The following TBC1D10A variants were observed in gnomAD, a reference collection of about 807,000 sequenced individuals.
TBC1D10A encodes the protein EBP50-PDX interactor of 64 kDa.
TBC1D10A carries 24 observed loss-of-function variants against 52.9 expected under a neutral mutation model. That is an observed-to-expected ratio of 0.45 (90% CI 0.33 to 0.64). TBC1D10A has a LOEUF of 0.64. Ranked by LOEUF, TBC1D10A falls within the 30% of genes least tolerant of loss-of-function variation. TBC1D10A has a pLI of 0.02. For missense variants in TBC1D10A, 602 were observed against 687.9 expected, an observed-to-expected ratio of 0.88 and a Z score of 1.40; for synonymous variants, 278 against 282.9, an observed-to-expected ratio of 0.98 and a Z score of 0.17.
intron 1 of TBC1D10A, among the ~76,000 whole-genome samples, chr22:30,322,372 G>T (rs1162290227): frequency 6.6e-6 from 1 of 152,004 alleles, no homozygotes; most frequent in Non-Finnish European, 1.5e-5. Flanking sequence ...CCACCCACAG[G>T]ATCATTTACT....
At chr22:30,295,319 G>T in intron 4 of TBC1D10A, among the ~76,000 whole-genome samples, 1 of 152,184 alleles carries the variant, frequency 6.6e-6, no homozygotes. Context: ...GGCCAGGGCG[G>T]GATGTAAAGC....
intron 1 of TBC1D10A, among the ~76,000 whole-genome samples, chr22:30,324,724 A>G (rs553763911): frequency 1.3e-5 from 2 of 152,318 alleles, no homozygotes; most frequent in East Asian, 3.9e-4. Flanking sequence ...AGGCACCTTC[A>G]CGTATCATAT....
intron 1 of TBC1D10A, among the ~76,000 whole-genome samples, chr22:30,326,274 A>G (rs144872683): frequency 2.1e-3 from 303 of 142,690 alleles, no homozygotes; most frequent in Non-Finnish European, 3.4e-3. Flanking sequence ...ATGAGTGTCT[A>G]TGGAGGGGGG....
At chr22:30,317,175 A>G (rs1017896400) in intron 1 of TBC1D10A, among the ~76,000 whole-genome samples, 2 of 152,240 alleles carry the variant, frequency 1.3e-5, no homozygotes, top group African/African-American at 4.8e-5. Flanking sequence ...TGGAAGGCCA[A>G]GGTGGGTGGA....
Position 30,292,477 on chromosome 22 carries a change from G to A in TBC1D10A, c.1425C>T (p.Ala475=). Residue 475 remains alanine, a synonymous_variant, in exon 9 of 9, where the codon GCC becomes GCT. Transcript: ENST00000215790. ...AATCCTGAGGGGCTGAGTCCTTGGG[G>A]GCTGAGTCCTTCGGGGGCACATGCT... ...PPQHVPPKDS[A]PKDSAPQDLA... is the part of the protein sequence containing the mutation. 2 of 1,607,168 alleles carry A rather than the reference G, an allele frequency of 1.2e-6. No individual in the cohort carries two copies. The highest frequency in any genetic ancestry group is 1.3e-5 in the African/African-American group (1 of 75,004).
At chr22:30,310,208 G>T (rs1569162557) in intron 1 of TBC1D10A, among the ~76,000 whole-genome samples, 1 of 152,228 alleles carries the variant, frequency 6.6e-6, no homozygotes, top group Non-Finnish European at 1.5e-5. Flanking sequence ...TTTCAGTGGG[G>T]TCATAACGCA....
chr22:30,326,616 G>T (rs994031973), intron 1 of TBC1D10A, 57 bp downstream of exon 1: 15 of 1,517,256 alleles, frequency 9.9e-6, no homozygotes, highest in Admixed American at 1.9e-5. Flanking sequence ...GCCTCCGTCC[G>T]TGTCGAGGCC....
chr22:30,298,271 G>C (rs1930126422), intron 3 of TBC1D10A: 1 of 152,242 alleles, frequency 6.6e-6, no homozygotes, highest in African/African-American at 2.4e-5. Flanking sequence ...CCCTCGAAAT[G>C]GAAGAGATGT....
chr22:30,293,276 C>G (rs1929991587), intron 8 of TBC1D10A: 1 of 602,988 alleles, frequency 1.7e-6, no homozygotes, highest in African/African-American at 1.8e-5. Context: ...GCCTCCATTT[C>G]CTCATGTGTA....
intron 1 of TBC1D10A, among the ~76,000 whole-genome samples, chr22:30,309,598 A>C (rs983513908): frequency 6.6e-6 from 1 of 152,214 alleles, no homozygotes; most frequent in African/African-American, 2.4e-5. Context: ...GTGGCACCTA[A>C]TCACAGATCT....
intron 4 of TBC1D10A, among the ~76,000 whole-genome samples, chr22:30,295,446 C>A (rs1930056947): frequency 6.6e-6 from 1 of 152,224 alleles, no homozygotes; most frequent in Admixed American, 6.5e-5. Flanking sequence ...CCCCTGCATA[C>A]CCTCCACTCA....
intron 3 of TBC1D10A, 115 bp from the exon 4 acceptor site, chr22:30,295,958 C>A: frequency 2.3e-6 from 2 of 880,006 alleles, no homozygotes; most frequent in Non-Finnish European, 3.4e-6. Flanking sequence ...AGTGCCCACC[C>A]AAGCCCATCA....
chr22:30,295,099 G>A (rs1956125036), intron 4 of TBC1D10A, 44 bp from the exon 5 acceptor site: 1 of 1,590,970 alleles, frequency 6.3e-7, no homozygotes, highest in Non-Finnish European at 8.6e-7. Context: ...GGGTGACTCT[G>A]CTACCCACGG....
intron 1 of TBC1D10A, among the ~76,000 whole-genome samples, chr22:30,309,618 C>G (rs1930386023): frequency 6.6e-6 from 1 of 152,182 alleles, no homozygotes; most frequent in African/African-American, 2.4e-5. Context: ...TTGTCAGGCT[C>G]CTGGACTGGA....
At chr22:30,315,188 G>C (rs976748028) in intron 1 of TBC1D10A, among the ~76,000 whole-genome samples, 1 of 152,174 alleles carries the variant, frequency 6.6e-6, no homozygotes, top group African/African-American at 2.4e-5. Context: ...TCGTGGGGTA[G>C]GTTGGAAGAG....
At chr22:30,315,833 A>C (rs1041540303) in intron 1 of TBC1D10A, among the ~76,000 whole-genome samples, 1 of 152,180 alleles carries the variant, frequency 6.6e-6, no homozygotes, top group Admixed American at 6.5e-5. Flanking sequence ...TTAGCAACAA[A>C]AACAACCTGA....
intron 1 of TBC1D10A, among the ~76,000 whole-genome samples, chr22:30,306,991 TTTC>T (rs1930322390): frequency 6.6e-6 from 1 of 152,262 alleles, no homozygotes; most frequent in Admixed American, 6.5e-5. Context: ...ATAGAAATCC[TTTC>T]TACATTAGGC....
chr22:30,313,033 G>C (rs528938472), intron 1 of TBC1D10A, among the ~76,000 whole-genome samples: 1 of 152,336 alleles, frequency 6.6e-6, no homozygotes, highest in South Asian at 2.1e-4. Flanking sequence ...GCTGTTTAGA[G>C]AAAGCTTTAA....
chr22:30,311,183 G>C (rs1346543358), intron 1 of TBC1D10A, among the ~76,000 whole-genome samples: 1 of 152,218 alleles, frequency 6.6e-6, no homozygotes, highest in Non-Finnish European at 1.5e-5. Flanking sequence ...ATGGCTTTTA[G>C]ACCAGTTCCA....
Sources: gnomAD v4.1 joint callset for allele counts (sites outside exome capture counted in the v4.1 genomes callset) on GRCh38, gnomAD v4.1.1 for gene constraint, MANE v1.5 for transcripts, NCBI Gene and HGNC (gene_info 2026-07-23, HGNC 2026-07-21) for gene names.